PEX1: variants seen among roughly 807,000 people sequenced by gnomAD.
PEX1 encodes peroxisomal biogenesis factor 1.
Under a neutral mutation model 152.5 loss-of-function variants are expected in PEX1, and 97 were observed. The observed-to-expected ratio is 0.64, with a 90% CI of 0.54 to 0.75. The LOEUF (loss-of-function observed/expected upper bound fraction) is 0.75, where lower values mean the gene tolerates loss of function less well. Ranked by LOEUF, PEX1 falls within the 30% of genes least tolerant of loss-of-function variation. The probability of loss-of-function intolerance (pLI) is 0.00; values close to 1 mark genes in which losing one functional copy is unlikely to be tolerated. For synonymous variants in PEX1, 485 were observed against 531.6 expected (o/e 0.91, Z 1.21); for missense variants, 1,357 against 1,516.3 (o/e 0.89, Z 1.74).
intron 1 of PEX1, among the ~76,000 whole-genome samples, chr7:92,523,942 T>C (rs1793157552): frequency 6.6e-6 from 1 of 152,180 alleles, no homozygotes. Flanking sequence ...CTCACATGTG[T>C]AATCTTTATA....
At position 92,528,494 on chromosome 7, in the gene PEX1, G is replaced by C; in HGVS notation, c.-59C>G. The C allele has an allele frequency of 1.3e-6, 2 of 1,499,948 alleles. No homozygotes were observed. Among genetic ancestry groups the C allele is most frequent in the South Asian group, 1.3e-5 (1 of 78,290 alleles). 92.9% of individuals were successfully genotyped at this position (1,499,948 alleles called of 1,614,324 possible). On this transcript the variant is annotated 5_prime_UTR_variant, in exon 1 of 24. Coordinates refer to ENST00000248633, the MANE Select transcript of PEX1 (RefSeq NM_000466.3). ...TAGCGCCGCAAAGGACCCGGGACCC[G>C]GCAGGCCGAGGACGTCGGAGCCGGA... is the stretch of plus-strand genomic sequence containing the variant.
rs771535312 is a variant in PEX1, at chr7:92,517,971, G to A, written c.544C>T (p.Arg182Cys). 9.3e-6 allele frequency: 15 copies of A among 1,611,824 alleles called. No individual in the cohort carries two copies. Among genetic ancestry groups the A allele is most frequent in the African/African-American group, 8.0e-5 (6 of 74,752 alleles). ...GAAAATGTATTCTCTTTGGCTCGGC[G>A]TGTCTTTGGCTGAATAAGGAGTTTG... ...DTKLLIQPKT[R>C]RAKENTFSKA... is the part of the protein sequence containing the mutation. Residue 182 changes from arginine to cysteine, a missense_variant, in exon 5 of 24, where the codon CGC (arginine) becomes TGC (cysteine). By Grantham distance (180) the Arg-to-Cys change is radical. Transcript: ENST00000248633.
intron 15 of PEX1, 74 bp from the exon 16 acceptor site, chr7:92,499,912 C>G: frequency 8.1e-7 from 1 of 1,233,246 alleles, no homozygotes; most frequent in Non-Finnish European, 1.2e-6. Context: ...AGCTAAAGAT[C>G]AATGTATAGA....
intron 5 of PEX1, among the ~76,000 whole-genome samples, chr7:92,516,805 G>A (rs989662544): frequency 6.6e-6 from 1 of 152,142 alleles, no homozygotes; most frequent in Admixed American, 6.5e-5. Context: ...TCCAATCCAG[G>A]TGCCACCACA....
chr7:92,496,608 C>A lies in PEX1; in HGVS notation c.2783+105G>T, dbSNP rs1317399574. The A allele has an allele frequency of 3.8e-6, 3 of 793,284 alleles. No individual in the cohort carries two copies. In the African/African-American group the frequency reaches 5.1e-5, roughly 13 times the overall value. 49.1% of individuals were successfully genotyped at this position (793,284 alleles called of 1,614,324 possible). On this transcript the variant is annotated intron_variant, in intron 17 of 23. Coordinates refer to ENST00000248633, the MANE Select transcript of PEX1 (RefSeq NM_000466.3). ...TAGCTTATTAATAATTCACATAAACCACAGGTTTCAAATATCAGTTCTTCA... is the reference window on the plus strand; with the variant it reads ...TAGCTTATTAATAATTCACATAAACAACAGGTTTCAAATATCAGTTCTTCA...
intron 5 of PEX1, among the ~76,000 whole-genome samples, chr7:92,515,081 A>C (rs1459917662): frequency 0.31 from 795 of 2,588 alleles, 18 homozygotes; most frequent in Non-Finnish European, 0.35. Context: ...ATATATATAT[A>C]TATATATATA....
chr7:92,499,577 A>G (rs1791822177), intron 16 of PEX1, 127 bp downstream of exon 16: 1 of 773,524 alleles, frequency 1.3e-6, no homozygotes, highest in Non-Finnish European at 2.2e-6. Flanking sequence ...TTTTGAAATT[A>G]GAGAGAGGTG....
intron 14 of PEX1, 81 bp from the exon 15 acceptor site, chr7:92,501,754 A>T (rs1052207205): frequency 7.2e-7 from 1 of 1,393,116 alleles, no homozygotes; most frequent in Non-Finnish European, 1.0e-6. Context: ...TCTTAGCTGG[A>T]AACACTAATT....
chr7:92,500,607 A>T (rs1015057888), intron 15 of PEX1, among the ~76,000 whole-genome samples: 3 of 152,188 alleles, frequency 2.0e-5, no homozygotes, highest in African/African-American at 7.2e-5. Flanking sequence ...CACTGGTTTT[A>T]ACAGTCCTGG....
chr7:92,487,324 C>T lies in PEX1; in HGVS notation c.*133G>A. 3.4e-6 allele frequency: 2 copies of T among 584,272 alleles called. No homozygotes were observed. The highest frequency in any genetic ancestry group is 2.2e-5 in the South Asian group (1 of 45,488). The allele number at this position is 584,272 out of a possible 1,614,324, so 36.2% of individuals were successfully genotyped here. A position where few individuals can be genotyped will look rare whatever the true frequency, so the allele number is the denominator to read the frequency against. On this transcript the variant is annotated 3_prime_UTR_variant, in exon 24 of 24. Coordinates refer to ENST00000248633, the MANE Select transcript of PEX1 (RefSeq NM_000466.3). ...ATCATTACATAATTATAGCATTTAC[C>T]AATCTGTGATTTTATAAATTAACCA... is the stretch of plus-strand genomic sequence containing the variant.
chr7:92,517,898 T>C lies in PEX1; in HGVS notation c.617A>G (p.Gln206Arg). The C allele has an allele frequency of 6.4e-7, 1 of 1,556,424 alleles. No homozygotes were observed. The highest frequency in any genetic ancestry group is 2.1e-5 in the Admixed American group (1 of 48,082). Reference sequence around the variant, plus strand: ...TTGAAGTTCTTTCATCATTCCTTTCTGGTCTCTTCCATAACTATGAAGTTT... The same window carrying C: ...TTGAAGTTCTTTCATCATTCCTTTCCGGTCTCTTCCATAACTATGAAGTTT... ...YKKLHSYGRD[Q>R]KGMMKELQTK... is the part of the protein sequence containing the mutation. Residue 206 changes from glutamine (Q) to arginine (R), a missense_variant, in exon 5 of 24, where the codon CAG (glutamine) becomes CGG (arginine). Physicochemically the swap from Gln to Arg is conservative, Grantham distance 43 (BLOSUM62 1). Transcript: ENST00000248633.
chr7:92,517,236 C>G (rs1287073579), intron 5 of PEX1, 40 bp downstream of exon 5: 1 of 1,424,150 alleles, frequency 7.0e-7, no homozygotes, highest in East Asian at 2.3e-5. Flanking sequence ...GATGTTTAAG[C>G]CACATAAAAT....
At chr7:92,489,255 A>C (rs1216905083) in intron 23 of PEX1, 38 bp downstream of exon 23, 3 of 1,579,674 alleles carry the variant, frequency 1.9e-6, no homozygotes, top group Non-Finnish European at 2.6e-6. Context: ...GTCACTTGTA[A>C]TAGTAGCTGT....
chr7:92,494,496 C>CTT lies in PEX1; in HGVS notation c.2915_2916dup (p.Gly973LysfsTer17), dbSNP rs61750426. On this transcript the variant is annotated frameshift_variant, in exon 18 of 24. Transcript: ENST00000248633. LOFTEE classifies it high-confidence loss of function. The stretch of plus-strand genomic sequence containing the variant: ...TATTTATAATTATTACCCTGTAAGC[C>CTT]TTCTACTCCATCCAACTGAGTCAGC... 3 of 1,613,738 alleles carry CTT rather than the reference C, an allele frequency of 1.9e-6. No individual in the cohort carries two copies. Among genetic ancestry groups the CTT allele is most frequent in the Non-Finnish European group, 2.5e-6 (3 of 1,179,712 alleles).
intron 23 of PEX1, among the ~76,000 whole-genome samples, chr7:92,488,914 AG>A (rs1250374660): frequency 6.6e-6 from 1 of 152,056 alleles, no homozygotes; most frequent in African/African-American, 2.4e-5. Flanking sequence ...TTGTATTTTT[AG>A]TAGAGATGGG....
At chr7:92,511,480 C>T (rs1792463962) in intron 7 of PEX1, 100 bp downstream of exon 7, 1 of 886,550 alleles carries the variant, frequency 1.1e-6, no homozygotes, top group Non-Finnish European at 1.8e-6. Flanking sequence ...TTATATTTCA[C>T]TATTCACATA....
At chr7:92,523,081 A>G (rs1262128378) in intron 1 of PEX1, among the ~76,000 whole-genome samples, 1 of 152,228 alleles carries the variant, frequency 6.6e-6, no homozygotes, top group Non-Finnish European at 1.5e-5. Context: ...CAAGGACCAA[A>G]AAAGGGTTTT....
intron 1 of PEX1, among the ~76,000 whole-genome samples, chr7:92,523,794 A>G (rs906629297): frequency 2.0e-5 from 3 of 152,062 alleles, no homozygotes; most frequent in Non-Finnish European, 2.9e-5. Context: ...TAGTGCCATT[A>G]CACTCCAGTC....
rs200438144 is a variant in PEX1 at position 92,504,887 on chromosome 7, T to A, written c.1916A>T (p.Asn639Ile). 15 of 1,613,002 alleles carry A rather than the reference T, an allele frequency of 9.3e-6. No homozygotes were observed. Among genetic ancestry groups the A allele is most frequent in the Non-Finnish European group, 1.3e-5 (15 of 1,179,068 alleles). The change falls in exon 12 of 24, where the codon AAC (asparagine) becomes ATC (isoleucine). Residue 639 changes from asparagine to isoleucine, a missense_variant. By Grantham distance (149) the Asn-to-Ile change is moderately radical. Coordinates refer to ENST00000248633, the MANE Select transcript of PEX1 (RefSeq NM_000466.3). ...AGCCACCTCTAGGGTTTTTTGTATG[T>A]TTTCAAGCCTTTTTCCTTAATACAG... ...CKALRGKRLENIQKTLEVAFS... is the reference protein window; with the variant it reads ...CKALRGKRLEIIQKTLEVAFS...
Sources: gnomAD v4.1 joint callset for allele counts (sites outside exome capture counted in the v4.1 genomes callset) on GRCh38, gnomAD v4.1.1 for gene constraint, MANE v1.5 for transcripts, NCBI Gene and HGNC (gene_info 2026-07-23, HGNC 2026-07-21) for gene names.